The following MGLL variants were observed in gnomAD, a reference collection of about 807,000 sequenced individuals.
The protein encoded by MGLL is lysophospholipase homolog.
A neutral mutation model predicts 29.1 loss-of-function variants in MGLL; 7 were observed. That is an observed-to-expected ratio of 0.24 (90% CI 0.14 to 0.45). The LOEUF is 0.45. Among genes scored for constraint, MGLL ranks in the 20% least tolerant of loss-of-function variants. The pLI is 0.99. For missense variants in MGLL, 356 were observed against 413.6 expected (o/e 0.86, Z 1.21); for synonymous variants, 148 against 168.3 (o/e 0.88, Z 0.93).
intron 3 of MGLL, among the ~76,000 whole-genome samples, chr3:127,755,065 A>G (rs111328282): frequency 8.2e-4 from 124 of 152,134 alleles, no homozygotes; most frequent in African/African-American, 2.7e-3. Context: ...GAGCTGTGGC[A>G]TCCCCGGGGG....
chr3:127,788,671 C>T (rs1323791097), intron 2 of MGLL, among the ~76,000 whole-genome samples: 1 of 152,182 alleles, frequency 6.6e-6, no homozygotes, highest in Non-Finnish European at 1.5e-5. Flanking sequence ...CTGCGCACTC[C>T]GCAGTCCTTC....
chr3:127,734,081 G>A (rs866268941), intron 3 of MGLL, among the ~76,000 whole-genome samples: 43 of 152,364 alleles, frequency 2.8e-4, no homozygotes, highest in African/African-American at 8.2e-4. Flanking sequence ...TGGTGGAGCC[G>A]GGTTGGTCTA....
chr3:127,820,999 G>T (rs1389921281), intron 2 of MGLL, among the ~76,000 whole-genome samples: 1 of 152,178 alleles, frequency 6.6e-6, no homozygotes, highest in African/African-American at 2.4e-5. Flanking sequence ...CAGGTAAAAT[G>T]TCCCTGGAAC....
chr3:127,721,203 C>T (rs2075914339), intron 4 of MGLL, 40 bp from the exon 5 acceptor site: 5 of 1,524,548 alleles, frequency 3.3e-6, no homozygotes, highest in South Asian at 2.2e-5. Flanking sequence ...GTTCGGCTTG[C>T]ACCAGTGCAC....
chr3:127,758,035 G>C (rs35044959), intron 3 of MGLL, among the ~76,000 whole-genome samples: 3,112 of 152,254 alleles, frequency 0.02, 62 homozygotes, highest in South Asian at 0.036. Flanking sequence ...CACGACCTCT[G>C]TCTCCTCTCC....
intron 3 of MGLL, among the ~76,000 whole-genome samples, chr3:127,766,756 C>A (rs995330852): frequency 6.6e-6 from 1 of 152,068 alleles, no homozygotes; most frequent in African/African-American, 2.4e-5. Context: ...AAATATGAAG[C>A]CTTAGTTTAC....
intron 2 of MGLL, among the ~76,000 whole-genome samples, chr3:127,813,199 C>A (rs547391647): frequency 2.6e-5 from 4 of 152,092 alleles, no homozygotes; most frequent in South Asian, 4.2e-4. Context: ...TGCTTCCCTC[C>A]TTTTTGTTTG....
At chr3:127,722,283 C>T in intron 4 of MGLL, 147 bp downstream of exon 4, 1 of 1,167,380 alleles carries the variant, frequency 8.6e-7, no homozygotes, top group Non-Finnish European at 1.2e-6. Context: ...CGGAATTGCC[C>T]AGGAACTCCA....
intron 7 of MGLL, 41 bp downstream of exon 7, chr3:127,694,934 C>G (rs761750487): frequency 1.3e-6 from 2 of 1,597,820 alleles, no homozygotes; most frequent in Non-Finnish European, 1.7e-6. Context: ...TCCTGTCCCC[C>G]CTCCACCTTG....
intron 2 of MGLL, among the ~76,000 whole-genome samples, chr3:127,816,862 G>A (rs1442889431): frequency 6.6e-6 from 1 of 152,344 alleles, no homozygotes; most frequent in East Asian, 1.9e-4. Context: ...CACTGAAAGC[G>A]GCCACAGTTC....
intron 5 of MGLL, among the ~76,000 whole-genome samples, chr3:127,720,642 C>T (rs1301587588): frequency 2.0e-5 from 3 of 152,242 alleles, no homozygotes; most frequent in Non-Finnish European, 4.4e-5. Context: ...GTGGATGCGA[C>T]TCCATACTGC....
intron 3 of MGLL, among the ~76,000 whole-genome samples, chr3:127,763,492 G>A (rs1559953901): frequency 6.6e-6 from 1 of 152,234 alleles, no homozygotes; most frequent in Non-Finnish European, 1.5e-5. Flanking sequence ...ACCCTCACAA[G>A]CATGCCACAG....
chr3:127,743,894 C>T (rs1458790178), intron 3 of MGLL, among the ~76,000 whole-genome samples: 1 of 152,144 alleles, frequency 6.6e-6, no homozygotes, highest in Non-Finnish European at 1.5e-5. Context: ...AATCCACGGC[C>T]ACTCAGCACA....
Position 127,812,443 on chromosome 3 carries a change from CAT to C in MGLL, c.155+9249_155+9250del, listed in dbSNP as rs563081899. Among the ~76,000 whole-genome samples, 127 of 152,218 alleles carry C rather than the reference CAT, an allele frequency of 8.3e-4. 1 individual carries two copies. Among genetic ancestry groups the C allele is most frequent in the Non-Finnish European group, 1.0e-4 (7 of 68,028 alleles). Reference sequence around the variant, plus strand: ...ATCTCCTTGACATGGAACTGAGTTTCATTTGAAGAAACAAAAAAGTTAAGAAA... The same window carrying C: ...ATCTCCTTGACATGGAACTGAGTTTCTTGAAGAAACAAAAAAGTTAAGAAA... On this transcript the variant is annotated intron_variant, in intron 2 of 7. Coordinates refer to ENST00000265052, the MANE Select transcript of MGLL (RefSeq NM_007283.7).
At chr3:127,750,797 C>G (rs757586792) in intron 3 of MGLL, among the ~76,000 whole-genome samples, 4 of 152,224 alleles carry the variant, frequency 2.6e-5, no homozygotes, top group Non-Finnish European at 4.4e-5. Context: ...TTCCCTACCC[C>G]CAAACTGCAA....
intron 3 of MGLL, among the ~76,000 whole-genome samples, chr3:127,739,185 G>C (rs2076293104): frequency 6.6e-6 from 1 of 152,216 alleles, no homozygotes; most frequent in African/African-American, 2.4e-5. Context: ...ACCCCAGAAT[G>C]AGACTTCTTC....
At chr3:127,694,146 T>C (rs1305497026) in intron 7 of MGLL, among the ~76,000 whole-genome samples, 1 of 151,440 alleles carries the variant, frequency 6.6e-6, no homozygotes, top group Non-Finnish European at 1.5e-5. Context: ...GGCAGGCGCC[T>C]GTAATCCCAG....
intron 3 of MGLL, among the ~76,000 whole-genome samples, chr3:127,776,649 C>T (rs2077042018): frequency 6.6e-6 from 1 of 152,222 alleles, no homozygotes; most frequent in Non-Finnish European, 1.5e-5. Context: ...GGGCTCTCCA[C>T]CTGCTTGGTC....
intron 3 of MGLL, among the ~76,000 whole-genome samples, chr3:127,737,638 T>C (rs1167982696): frequency 2.7e-5 from 1 of 36,990 alleles, no homozygotes; most frequent in Non-Finnish European, 7.5e-5. Flanking sequence ...TTCTTTTTTT[T>C]TTTTTTTTTT....
Sources: gnomAD v4.1 joint callset for allele counts (sites outside exome capture counted in the v4.1 genomes callset) on GRCh38, gnomAD v4.1.1 for gene constraint, MANE v1.5 for transcripts, NCBI Gene and HGNC (gene_info 2026-07-23, HGNC 2026-07-21) for gene names.